Variants in PHACTR2 observed in about 807,000 individuals in gnomAD.
The protein encoded by PHACTR2 is phosphatase and actin regulator 2.
A neutral mutation model predicts 76.0 loss-of-function variants in PHACTR2; 30 were observed. The ratio of observed to expected loss-of-function variants is 0.39; its 90% confidence interval spans 0.30 to 0.54. PHACTR2 has a LOEUF of 0.54. Among genes scored for constraint, PHACTR2 ranks in the 20% least tolerant of loss-of-function variants. The probability of loss-of-function intolerance (pLI) is 0.61; values close to 1 mark genes in which losing one functional copy is unlikely to be tolerated. For synonymous variants in PHACTR2, 292 were observed against 292.5 expected (o/e 1.00, Z 0.02); for missense variants, 696 against 781.1 (o/e 0.89, Z 1.30).
intron 2 of PHACTR2, among the ~76,000 whole-genome samples, chr6:143,724,379 G>T (rs537861969): frequency 6.6e-6 from 1 of 152,066 alleles, no homozygotes; most frequent in Non-Finnish European, 1.5e-5. Context: ...TGATCCACCC[G>T]CCTCAGCCTC....
At chr6:143,593,038 C>A (rs897193401) in intron 1 of PHACTR2, among the ~76,000 whole-genome samples, 14 of 123,198 alleles carry the variant, frequency 1.1e-4, no homozygotes, top group Admixed American at 1.8e-4. Context: ...CAGAGCAAGA[C>A]CCTGCCTCAA....
At position 143,611,861 on chromosome 6, in the gene PHACTR2, T is replaced by TG. The variant is rs1775981250; in HGVS notation, c.13+3544dup. 6.6e-6 allele frequency among the ~76,000 whole-genome samples: 1 copy of TG among 152,064 alleles called. No homozygotes were observed. The highest frequency in any genetic ancestry group is 1.5e-5 in the Non-Finnish European group (1 of 67,988). ...GTGGGTGGTGCAATGGGCATGGGGT[T>TG]GGGGGATGCATTGGATATGCATCAG... On this transcript the variant is annotated intron_variant, in intron 1 of 11. Transcript: ENST00000305766. The surrounding 1 kb of genome is among the most constrained non-coding windows in gnomAD (Gnocchi z 4.4).
chr6:143,699,191 C>T (rs939726390), intron 1 of PHACTR2, among the ~76,000 whole-genome samples: 7 of 152,250 alleles, frequency 4.6e-5, no homozygotes, highest in Middle Eastern at 3.4e-3. Context: ...CCCCAAATCT[C>T]GCTATGACCT....
chr6:143,569,532 T>G (rs186938142), intron 1 of PHACTR2, among the ~76,000 whole-genome samples: 84 of 152,360 alleles, frequency 5.5e-4, no homozygotes, highest in Middle Eastern at 3.4e-3. Flanking sequence ...ATTTTAAACC[T>G]TTCTTGTATG....
chr6:143,566,733 C>A (rs1271388257), intron 1 of PHACTR2, among the ~76,000 whole-genome samples: 1 of 151,780 alleles, frequency 6.6e-6, no homozygotes, highest in Non-Finnish European at 1.5e-5. Flanking sequence ...TATCTGCTTG[C>A]CTTCCCTAAC....
chr6:143,587,779 T>A (rs1043928782), intron 1 of PHACTR2, among the ~76,000 whole-genome samples: 2 of 152,074 alleles, frequency 1.3e-5, no homozygotes, highest in Non-Finnish European at 2.9e-5. Flanking sequence ...TTTGGGAGGC[T>A]GAGGCGGGCG....
chr6:143,656,257 C>T lies in PHACTR2; in HGVS notation c.13+47935C>T, dbSNP rs1240108879. 6.6e-6 allele frequency among the ~76,000 whole-genome samples: 1 copy of T among 152,168 alleles called. No homozygotes were observed. Among genetic ancestry groups the T allele is most frequent in the Non-Finnish European group, 1.5e-5 (1 of 68,032 alleles). On this transcript the variant is annotated intron_variant, in intron 1 of 11. Transcript: ENST00000305766. The surrounding 1 kb of genome is among the most constrained non-coding windows in gnomAD (Gnocchi z 5.3). Reference sequence around the variant, plus strand: ...CCTCTGACCTTGGCAACTCAGTTACCTCCTGTGAGCCTAAGCTTTCTTGTC... The same window carrying T: ...CCTCTGACCTTGGCAACTCAGTTACTTCCTGTGAGCCTAAGCTTTCTTGTC...
intron 1 of PHACTR2, among the ~76,000 whole-genome samples, chr6:143,642,833 C>A (rs1201364025): frequency 6.6e-6 from 1 of 152,192 alleles, no homozygotes; most frequent in Admixed American, 6.5e-5. Flanking sequence ...ACAGCCCATT[C>A]CACCAATGCT....
chr6:143,820,778 A>G lies in PHACTR2; in HGVS notation c.1923-2896A>G, dbSNP rs1254340995. On this transcript the variant is annotated intron_variant, in intron 12 of 12. Coordinates refer to ENST00000440869, the MANE Select transcript of PHACTR2 (RefSeq NM_001100164.2). This position sits in a 1 kb window ranked among gnomAD's most constrained non-coding sequence, Gnocchi z 4.2. Reference sequence around the variant, plus strand: ...GCAGAGACCCTTTGTGGAATCCCCAACTCCTCATTTCCCTTCCACACTGCC... The same window carrying G: ...GCAGAGACCCTTTGTGGAATCCCCAGCTCCTCATTTCCCTTCCACACTGCC... Among the ~76,000 whole-genome samples the G allele has an allele frequency of 6.6e-6, 1 of 151,414 alleles. No homozygotes were observed. The highest frequency in any genetic ancestry group is 1.9e-4 in the East Asian group (1 of 5,176).
chr6:143,752,837 T>A (rs998746949), intron 3 of PHACTR2, among the ~76,000 whole-genome samples: 1 of 152,212 alleles, frequency 6.6e-6, no homozygotes, highest in African/African-American at 2.4e-5. Flanking sequence ...ATTTTTCTTT[T>A]ACAATGCTAG....
chr6:143,692,073 A>G (rs904119567), intron 1 of PHACTR2, among the ~76,000 whole-genome samples: 1 of 152,040 alleles, frequency 6.6e-6, no homozygotes, highest in Admixed American at 6.6e-5. Context: ...TTTCTAAAGA[A>G]TTTTTCAGCC....
At chr6:143,559,036 A>G (rs556671987) in intron 1 of PHACTR2, among the ~76,000 whole-genome samples, 26 of 152,306 alleles carry the variant, frequency 1.7e-4, no homozygotes, top group African/African-American at 5.8e-4. Flanking sequence ...CCCTCGGCCC[A>G]TCTTTGACTT....
chr6:143,641,730 T>C lies in PHACTR2; in HGVS notation c.13+33408T>C, dbSNP rs1017758863. On this transcript the variant is annotated intron_variant, in intron 1 of 11. Transcript: ENST00000305766. This position sits in a 1 kb window ranked among gnomAD's most constrained non-coding sequence, Gnocchi z 5.8. ...CATGTTGGTCAGGCTGGTCTTGAAC[T>C]CCCAACCTCAGGTGATCCACTGGCC... 2.6e-5 allele frequency among the ~76,000 whole-genome samples: 4 copies of C among 152,092 alleles called. No homozygotes were observed. Among genetic ancestry groups the C allele is most frequent in the African/African-American group, 9.7e-5 (4 of 41,412 alleles).
At chr6:143,635,538 A>C (rs751637874) in intron 1 of PHACTR2, among the ~76,000 whole-genome samples, 136 of 152,348 alleles carry the variant, frequency 8.9e-4, no homozygotes, top group African/African-American at 3.1e-3. Flanking sequence ...CAGTCAGTGT[A>C]TGAGAGTGCC....
rs1775058761 is a variant in PHACTR2, at chr6:143,549,502, A to G, written c.217+12295A>G. 1.3e-5 allele frequency among the ~76,000 whole-genome samples: 2 copies of G among 151,972 alleles called. No individual in the cohort carries two copies. Among genetic ancestry groups the G allele is most frequent in the South Asian group, 4.2e-4 (2 of 4,818 alleles). Reference sequence around the variant, plus strand: ...CTTAGGCAGCTGACACATTCTCAGAAGGCCGGCCACAGGCAATGGCAAGAT... The same window carrying G: ...CTTAGGCAGCTGACACATTCTCAGAGGGCCGGCCACAGGCAATGGCAAGAT... On this transcript the variant is annotated intron_variant, in intron 1 of 11. Coordinates refer to the PHACTR2 transcript ENST00000367584. The surrounding 1 kb of genome is among the most constrained non-coding windows in gnomAD (Gnocchi z 4.2).
At position 143,697,691 on chromosome 6, in the gene PHACTR2, G is replaced by A. The variant is rs1777803843; in HGVS notation, c.47-14325G>A. 1.3e-5 allele frequency among the ~76,000 whole-genome samples: 2 copies of A among 152,288 alleles called. No homozygotes were observed. Among genetic ancestry groups the A allele is most frequent in the Non-Finnish European group, 2.9e-5 (2 of 68,020 alleles). On this transcript the variant is annotated intron_variant, in intron 1 of 12. Transcript: ENST00000440869. This position sits in a 1 kb window ranked among gnomAD's most constrained non-coding sequence, Gnocchi z 4.4. ...AAAATATTTGGAATTCTACAGGAAG[G>A]CACTGTTGGAAACAATTTCCTCTGT...
At chr6:143,728,640 A>T (rs562447894) in intron 2 of PHACTR2, among the ~76,000 whole-genome samples, 3 of 152,300 alleles carry the variant, frequency 2.0e-5, no homozygotes, top group Admixed American at 2.0e-4. Flanking sequence ...AAACAGACAC[A>T]TAGACCAATG....
chr6:143,736,554 ATTTTTTTTTTTTTTTT>A (rs776969170), intron 2 of PHACTR2, among the ~76,000 whole-genome samples: 15 of 56,994 alleles, frequency 2.6e-4, no homozygotes, highest in South Asian at 8.5e-4. Flanking sequence ...ACCCTTTACA[ATTTTTTTTTTTTTTTT>A]TTTTTTTTTT....
At chr6:143,650,044 C>A (rs1776731573) in intron 1 of PHACTR2, among the ~76,000 whole-genome samples, 1 of 152,154 alleles carries the variant, frequency 6.6e-6, no homozygotes, top group Non-Finnish European at 1.5e-5. Context: ...TTTACATCAA[C>A]AACAGGCAAG....
Sources: allele counts gnomAD v4.1 joint callset (sites outside exome capture counted in the v4.1 genomes callset), GRCh38; gene constraint gnomAD v4.1.1; non-coding constraint Gnocchi (gnomAD v3.1); transcripts MANE v1.5; gene names NCBI Gene and HGNC (gene_info 2026-07-23, HGNC 2026-07-21).